RUNX3: variants seen among roughly 807,000 people sequenced by gnomAD.
RUNX3 encodes RUNX family transcription factor 3.
RUNX3 carries 10 observed loss-of-function variants against 27.7 expected under a neutral mutation model. The ratio of observed to expected loss-of-function variants is 0.36; its 90% CI spans 0.22 to 0.61. The LOEUF is 0.61. Among genes scored for constraint, RUNX3 ranks in the 20% least tolerant of loss-of-function variants. The pLI, the probability that RUNX3 is intolerant of heterozygous loss-of-function variation, is 0.72. For synonymous variants in RUNX3, 270 were observed against 269.2 expected (o/e 1.00, Z -0.03); for missense variants, 469 against 629.5 (o/e 0.75, Z 2.73).
At chr1:24,942,321 G>A (rs919933270) in intron 2 of RUNX3, among the ~76,000 whole-genome samples, 3 of 152,198 alleles carry the variant, frequency 2.0e-5, no homozygotes, top group African/African-American at 7.2e-5. Context: ...GGACCAGAAA[G>A]CCATGGAGCT....
At chr1:24,940,805 G>T (rs138112311) in intron 2 of RUNX3, among the ~76,000 whole-genome samples, 85 of 152,112 alleles carry the variant, frequency 5.6e-4, no homozygotes, top group African/African-American at 2.0e-3. Context: ...GAGGGATGCA[G>T]TCAGGGAAGG....
intron 3 of RUNX3, among the ~76,000 whole-genome samples, chr1:24,913,190 C>T (rs547266720): frequency 5.6e-4 from 85 of 152,360 alleles, no homozygotes; most frequent in African/African-American, 1.9e-3. Flanking sequence ...GGGAAAGCCC[C>T]GCGTTGGCCC....
intron 1 of RUNX3, chr1:24,964,741 T>G (rs1173259958): frequency 6.9e-7 from 1 of 1,444,818 alleles, no homozygotes; most frequent in Non-Finnish European, 9.1e-7. Context: ...TTTTCCCCCC[T>G]GCTGCTACGA....
chr1:24,941,555 G>A (rs1046649464), intron 2 of RUNX3, among the ~76,000 whole-genome samples: 2 of 152,216 alleles, frequency 1.3e-5, no homozygotes, highest in African/African-American at 4.8e-5. Context: ...GTGAGTATCA[G>A]AGCTGAGCCT....
chr1:24,915,388 C>A (rs1411053910), intron 3 of RUNX3, among the ~76,000 whole-genome samples: 1 of 152,194 alleles, frequency 6.6e-6, no homozygotes, highest in African/African-American at 2.4e-5. Context: ...CTTGCCACTG[C>A]ACTCCAGCCT....
At chr1:24,942,141 C>T (rs1641493721) in intron 2 of RUNX3, among the ~76,000 whole-genome samples, 1 of 152,166 alleles carries the variant, frequency 6.6e-6, no homozygotes, top group East Asian at 1.9e-4. Flanking sequence ...AAAAGGTTCC[C>T]AGTCCTGCCC....
rs1228894637 is a variant in RUNX3, at chr1:24,943,226, G to A, written c.59-13374C>T. Among the ~76,000 whole-genome samples the A allele has an allele frequency of 6.6e-6, 1 of 152,254 alleles. No individual in the cohort carries two copies. Among genetic ancestry groups the A allele is most frequent in the African/African-American group, 2.4e-5 (1 of 41,470 alleles). ...GTGGGGCAGGCATGCCACCCAGCAC[G>A]TGGGGGAGGCCAGGGCTTTGGGAGC... On this transcript the variant is annotated intron_variant, in intron 2 of 6. Transcript: ENST00000338888. The surrounding 1 kb of genome is among the most constrained non-coding windows in gnomAD (Gnocchi z 4.6).
intron 2 of RUNX3, among the ~76,000 whole-genome samples, chr1:24,957,745 A>G (rs912099060): frequency 4.6e-5 from 7 of 152,212 alleles, no homozygotes; most frequent in African/African-American, 1.7e-4. Context: ...ACACTACCTC[A>G]TTAAACCTAC....
At chr1:24,947,520 C>G (rs1007163891) in intron 2 of RUNX3, among the ~76,000 whole-genome samples, 10 of 152,178 alleles carry the variant, frequency 6.6e-5, no homozygotes, top group Admixed American at 2.0e-4. Context: ...CAGCCAAGCC[C>G]GGTCTTTGAG....
intron 2 of RUNX3, among the ~76,000 whole-genome samples, chr1:24,948,402 G>A (rs1641667538): frequency 9.2e-5 from 14 of 152,178 alleles, no homozygotes; most frequent in Admixed American, 9.2e-4. Context: ...AAGGCGGGAG[G>A]CCTAACATGG....
intron 2 of RUNX3, among the ~76,000 whole-genome samples, chr1:24,954,671 C>G (rs1374506727): frequency 1.3e-5 from 2 of 152,248 alleles, no homozygotes; most frequent in Non-Finnish European, 2.9e-5. Flanking sequence ...CTGCTCTAAG[C>G]CTTCGCCCTT....
chr1:24,963,765 C>G (rs1429858306), intron 2 of RUNX3, among the ~76,000 whole-genome samples: 1 of 152,110 alleles, frequency 6.6e-6, no homozygotes, highest in Non-Finnish European at 1.5e-5. Flanking sequence ...GAGAAGTCTC[C>G]CCATGAGTCC....
rs558066929 is a variant in RUNX3 at position 24,908,015 on chromosome 1, C to T, written c.545-598G>A. ...CGGTGATCTAAACCTCTACAACACG[C>T]GGTGATCCGAACCTCAACCACACGC... On this transcript the variant is annotated intron_variant, in intron 3 of 4. Transcript: ENST00000308873. Among the ~76,000 whole-genome samples, 11 of 151,988 alleles carry T rather than the reference C, an allele frequency of 7.2e-5. 1 individual carries two copies. In the Middle Eastern group the frequency reaches 0.01, roughly 144 times the overall value.
chr1:24,908,249 GAACCTCTACGACACGCGGTGATCCA>G lies in RUNX3; in HGVS notation c.545-857_545-833del, dbSNP rs1557837406. Among the ~76,000 whole-genome samples the G allele has an allele frequency of 4.2e-3, 570 of 135,092 alleles. 5 individuals are homozygous for G. Among genetic ancestry groups the G allele is most frequent in the African/African-American group, 0.015 (534 of 35,122 alleles). 88.6% of individuals were successfully genotyped at this position (135,092 alleles called of 152,430 possible). On this transcript the variant is annotated intron_variant, in intron 3 of 4. Coordinates refer to ENST00000308873, the MANE Select transcript of RUNX3 (RefSeq NM_004350.3). ...GAACCTCTATGACACGCGGTGATCT[GAACCTCTACGACACGCGGTGATCCA>G]AACCTCTACGACATGTGGTGATCCA...
At chr1:24,960,003 C>G (rs546181771) in intron 2 of RUNX3, among the ~76,000 whole-genome samples, 1 of 152,304 alleles carries the variant, frequency 6.6e-6, no homozygotes, top group African/African-American at 2.4e-5. Flanking sequence ...ACCTCTTTAC[C>G]CTTAGGGACC....
intron 2 of RUNX3, among the ~76,000 whole-genome samples, chr1:24,957,304 C>G (rs544833543): frequency 6.6e-6 from 1 of 152,238 alleles, no homozygotes; most frequent in Non-Finnish European, 1.5e-5. Flanking sequence ...GGAAAACTCT[C>G]AGGCTGACCA....
In RUNX3 at chr1:24,901,158, A is replaced by G. The variant is rs954992321; in HGVS notation, c.*964T>C. 6.0e-5 allele frequency: 9 copies of G among 150,238 alleles called. No homozygotes were observed. The highest frequency in any genetic ancestry group is 2.2e-4 in the African/African-American group (9 of 40,290). The allele number at this position is 150,238 out of a possible 1,614,324, so 9.3% of individuals were successfully genotyped here. ...TCCCAGGAGGCTTGGGGGATGGGGC[A>G]CAGCTTGGCTGGACCCAGGGGGGAC... On this transcript the variant is annotated 3_prime_UTR_variant, in exon 5 of 5. Transcript: ENST00000308873.
In RUNX3 at chr1:24,916,028, C is replaced by T; in HGVS notation, c.544+3212G>A. 6.6e-6 allele frequency among the ~76,000 whole-genome samples: 1 copy of T among 152,208 alleles called. No individual in the cohort carries two copies. The highest frequency in any genetic ancestry group is 1.9e-4 in the East Asian group (1 of 5,192). ...GCTGGCCACCTGGCTGCAGGCCGGG[C>T]ACGCTCTGCAGGGCACCAGAGGGGA... On this transcript the variant is annotated intron_variant, in intron 3 of 4. Coordinates refer to ENST00000308873, the MANE Select transcript of RUNX3 (RefSeq NM_004350.3). This position sits in a 1 kb window ranked among gnomAD's most constrained non-coding sequence, Gnocchi z 4.8.
chr1:24,905,185 C>A (rs2124245068), intron 4 of RUNX3, among the ~76,000 whole-genome samples: 1 of 152,270 alleles, frequency 6.6e-6, no homozygotes, highest in South Asian at 2.1e-4. Flanking sequence ...AGTCCGAGGG[C>A]AGAGGGAGGA....
Sources: allele counts gnomAD v4.1 joint callset (sites outside exome capture counted in the v4.1 genomes callset), GRCh38; gene constraint gnomAD v4.1.1; non-coding constraint Gnocchi (gnomAD v3.1); transcripts MANE v1.5; gene names NCBI Gene and HGNC (gene_info 2026-07-23, HGNC 2026-07-21).